GPR176: variants seen among roughly 807,000 people sequenced by gnomAD.
GPR176 encodes the protein G protein-coupled receptor 176.
Under a neutral mutation model 35.4 loss-of-function variants are expected in GPR176, and 26 were observed. The ratio of observed to expected loss-of-function variants is 0.74; its 90% CI spans 0.54 to 1.02. GPR176 has a LOEUF of 1.02. Among genes scored for constraint, GPR176 ranks in the 50% least tolerant of loss-of-function variants. The probability of loss-of-function intolerance (pLI) is 0.00; values close to 1 mark genes in which losing one functional copy is unlikely to be tolerated. For synonymous variants in GPR176, 278 were observed against 271.3 expected, an observed-to-expected ratio of 1.02 and a Z score of -0.24; for missense variants, 597 against 665.3, an observed-to-expected ratio of 0.90 and a Z score of 1.13.
intron 1 of GPR176, among the ~76,000 whole-genome samples, chr15:39,871,964 A>G (rs2032058463): frequency 6.6e-6 from 1 of 152,234 alleles, no homozygotes; most frequent in Non-Finnish European, 1.5e-5. Context: ...AGCAAATTAG[A>G]TTGCTTTTTA....
At chr15:39,894,942 T>C (rs1048031380) in intron 1 of GPR176, among the ~76,000 whole-genome samples, 10 of 152,072 alleles carry the variant, frequency 6.6e-5, no homozygotes, top group African/African-American at 2.4e-4. Flanking sequence ...CTGGGCACCA[T>C]TGAGCACTGA....
intron 1 of GPR176, among the ~76,000 whole-genome samples, chr15:39,842,053 C>T (rs761525316): frequency 6.6e-6 from 1 of 152,036 alleles, no homozygotes; most frequent in Non-Finnish European, 1.5e-5. Flanking sequence ...CGTCTGTGTC[C>T]CCCTCTCCCA....
intron 1 of GPR176, among the ~76,000 whole-genome samples, chr15:39,834,801 T>C (rs1257541941): frequency 1.3e-5 from 2 of 152,070 alleles, no homozygotes; most frequent in Non-Finnish European, 2.9e-5. Context: ...AGTGGTGGGC[T>C]GAGGAAAAGT....
Position 39,840,710 on chromosome 15 carries a change from T to C in GPR176, c.173-33452A>G, listed in dbSNP as rs532546941. Among the ~76,000 whole-genome samples, 6 of 152,230 alleles carry C rather than the reference T, an allele frequency of 3.9e-5. No homozygotes were observed. The East Asian group carries it at 7.7e-4, about 20-fold the overall frequency. ...GAACCAAGTCGATTGTAACCTTAAA[T>C]ACAGATCTAACCATTTCAGATTTTA... On this transcript the variant is annotated intron_variant, in intron 1 of 2. Coordinates refer to ENST00000561100, the MANE Select transcript of GPR176 (RefSeq NM_007223.3).
At chr15:39,886,166 G>A (rs2032667397) in intron 1 of GPR176, among the ~76,000 whole-genome samples, 1 of 152,062 alleles carries the variant, frequency 6.6e-6, no homozygotes, top group African/African-American at 2.4e-5. Flanking sequence ...CCGGGAGTAG[G>A]AGGTTGCGGT....
chr15:39,862,649 TA>T (rs1222673164), intron 1 of GPR176, among the ~76,000 whole-genome samples: 1 of 152,228 alleles, frequency 6.6e-6, no homozygotes, highest in African/African-American at 2.4e-5. Flanking sequence ...ACAGCCATCT[TA>T]AAGTCATAGC....
At chr15:39,866,766 T>C (rs188983871) in intron 1 of GPR176, among the ~76,000 whole-genome samples, 15 of 152,338 alleles carry the variant, frequency 9.8e-5, no homozygotes, top group Admixed American at 2.6e-4. Context: ...GAATCTAAAA[T>C]AAAGTTGAAC....
At chr15:39,861,218 A>G (rs275749) in intron 1 of GPR176, among the ~76,000 whole-genome samples, 11,337 of 152,218 alleles carry the variant, frequency 0.074, 1,060 homozygotes, top group African/African-American at 0.22. Flanking sequence ...GAACTACTTT[A>G]CTTATAATAT....
chr15:39,803,738 G>C (rs892117986), intron 2 of GPR176, among the ~76,000 whole-genome samples: 3 of 152,290 alleles, frequency 2.0e-5, no homozygotes, highest in East Asian at 3.9e-4. Context: ...CTCTACTAGA[G>C]GCAGGCACAA....
At chr15:39,893,793 C>A (rs1207412535) in intron 1 of GPR176, among the ~76,000 whole-genome samples, 1 of 141,008 alleles carries the variant, frequency 7.1e-6, no homozygotes, top group Non-Finnish European at 1.6e-5. Flanking sequence ...GACCCCCCCA[C>A]CTCCCTCCCG....
chr15:39,807,649 C>A, intron 1 of GPR176: 1 of 759,160 alleles, frequency 1.3e-6, no homozygotes, highest in Non-Finnish European at 2.3e-6. Context: ...ACAGTGCAAA[C>A]CGCACATGTC....
chr15:39,912,011 G>T (rs2033591002), intron 1 of GPR176, among the ~76,000 whole-genome samples: 1 of 152,094 alleles, frequency 6.6e-6, no homozygotes, highest in Admixed American at 6.6e-5. Context: ...CACCATGAAG[G>T]AATGGAATAC....
intron 1 of GPR176, among the ~76,000 whole-genome samples, chr15:39,827,223 C>T (rs964238931): frequency 6.6e-6 from 1 of 152,102 alleles, no homozygotes; most frequent in Admixed American, 6.6e-5. Context: ...AGCTTCATGC[C>T]CTTTCATGGG....
chr15:39,905,055 A>C (rs948409421), intron 1 of GPR176, among the ~76,000 whole-genome samples: 1 of 152,172 alleles, frequency 6.6e-6, no homozygotes, highest in African/African-American at 2.4e-5. Context: ...GCCCAGCTGC[A>C]ATCTTGGAGA....
chr15:39,827,418 T>C (rs947920063), intron 1 of GPR176, among the ~76,000 whole-genome samples: 2 of 152,180 alleles, frequency 1.3e-5, no homozygotes, highest in African/African-American at 2.4e-5. Flanking sequence ...AGGTTGTTAG[T>C]TGATATCAGT....
chr15:39,870,569 C>T (rs2140838056), intron 1 of GPR176, among the ~76,000 whole-genome samples: 1 of 152,240 alleles, frequency 6.6e-6, no homozygotes, highest in East Asian at 1.9e-4. Context: ...AGAAAACTAA[C>T]AAAATGGAGA....
At position 39,897,599 on chromosome 15, in the gene GPR176, AT is replaced by A. The variant is rs386382791; in HGVS notation, c.172+22255del. Among the ~76,000 whole-genome samples the A allele has an allele frequency of 7.0e-3, 619 of 88,526 alleles. 11 individuals are homozygous for A. The highest frequency in any genetic ancestry group is 0.021 in the Admixed American group (141 of 6,832). 58.1% of individuals were successfully genotyped at this position (88,526 alleles called of 152,430 possible). Reference sequence around the variant, plus strand: ...GAGAGATCATGAGAAACATCCAAATATTTTTTTTTTTTTTTTTTTTTTTTTG... The same window carrying A: ...GAGAGATCATGAGAAACATCCAAATATTTTTTTTTTTTTTTTTTTTTTTTG... On this transcript the variant is annotated intron_variant, in intron 1 of 2. Transcript: ENST00000561100.
chr15:39,828,603 C>G (rs1348934534), intron 1 of GPR176, among the ~76,000 whole-genome samples: 2 of 152,176 alleles, frequency 1.3e-5, no homozygotes, highest in Non-Finnish European at 2.9e-5. Context: ...TCAAAGGTGC[C>G]AGACGTGGTT....
At chr15:39,856,477 G>A (rs933998900) in intron 1 of GPR176, among the ~76,000 whole-genome samples, 8 of 152,294 alleles carry the variant, frequency 5.3e-5, no homozygotes, top group Middle Eastern at 3.4e-3. Flanking sequence ...CGTCTCTCAG[G>A]AGACTATGGT....
Sources: gnomAD v4.1 joint callset for allele counts (sites outside exome capture counted in the v4.1 genomes callset) on GRCh38, gnomAD v4.1.1 for gene constraint, MANE v1.5 for transcripts, NCBI Gene and HGNC (gene_info 2026-07-23, HGNC 2026-07-21) for gene names.